The following MKNK1 variants were observed in gnomAD, a reference collection of about 807,000 sequenced individuals.
The protein encoded by MKNK1 is MAP kinase-interacting serine/threonine-protein kinase 1.
MKNK1 carries 30 observed loss-of-function variants against 49.3 expected under a neutral mutation model. That is an observed-to-expected ratio of 0.61 (90% CI 0.46 to 0.83). MKNK1 has a LOEUF of 0.83. MKNK1 is among the 40% of genes least tolerant of loss of function. The pLI is 0.00. For missense variants in MKNK1, 423 were observed against 524.7 expected, an observed-to-expected ratio of 0.81 and a Z score of 1.89; for synonymous variants, 176 against 201.7, an observed-to-expected ratio of 0.87 and a Z score of 1.08.
At chr1:46,566,153 A>G (rs970894050) in intron 8 of MKNK1, among the ~76,000 whole-genome samples, 3 of 152,210 alleles carry the variant, frequency 2.0e-5, no homozygotes, top group African/African-American at 7.2e-5. Context: ...TTCTTCCCCT[A>G]GCCCTGGGTA....
intron 8 of MKNK1, 100 bp downstream of exon 8, chr1:46,568,343 G>A: frequency 1.9e-6 from 2 of 1,052,540 alleles, no homozygotes; most frequent in Admixed American, 1.8e-5. Flanking sequence ...GTTCAAGTTG[G>A]TGTCTGAGGC....
intron 2 of MKNK1, among the ~76,000 whole-genome samples, chr1:46,587,137 T>C (rs955167290): frequency 6.6e-6 from 1 of 152,218 alleles, no homozygotes; most frequent in African/African-American, 2.4e-5. Context: ...AACAGAAGCC[T>C]GGTTCTTGCT....
At chr1:46,566,364 G>A (rs1318615711) in intron 8 of MKNK1, among the ~76,000 whole-genome samples, 1 of 152,204 alleles carries the variant, frequency 6.6e-6, no homozygotes, top group African/African-American at 2.4e-5. Flanking sequence ...GTATTCCATT[G>A]AATGTATGTA....
intron 2 of MKNK1, 122 bp downstream of exon 2, chr1:46,593,991 C>G: frequency 2.8e-6 from 2 of 712,830 alleles, no homozygotes; most frequent in Non-Finnish European, 5.0e-6. Flanking sequence ...CTCCGCTATT[C>G]CTAGCTAACT....
intron 12 of MKNK1, among the ~76,000 whole-genome samples, chr1:46,559,081 A>AT (rs1667468315): frequency 6.6e-6 from 1 of 152,134 alleles, no homozygotes; most frequent in Non-Finnish European, 1.5e-5. Context: ...ACAACTCTAC[A>AT]TACAGGTCTA....
chr1:46,590,059 A>G (rs1673127672), intron 2 of MKNK1, among the ~76,000 whole-genome samples: 1 of 152,198 alleles, frequency 6.6e-6, no homozygotes, highest in Non-Finnish European at 1.5e-5. Context: ...GATTTCCCTC[A>G]GCCACAAGAG....
chr1:46,590,435 A>G (rs763162025), intron 2 of MKNK1, among the ~76,000 whole-genome samples: 2 of 152,242 alleles, frequency 1.3e-5, no homozygotes, highest in Non-Finnish European at 2.9e-5. Flanking sequence ...TACCAACGCT[A>G]CACTTTACAT....
At chr1:46,568,705 G>A (rs941318321) in intron 7 of MKNK1, 1 of 574,310 alleles carries the variant, frequency 1.7e-6, no homozygotes, top group African/African-American at 1.9e-5. Context: ...TTGAAGAGGA[G>A]GCTTTAGAAG....
rs1669770699 is a variant in MKNK1, at chr1:46,569,807, T to A, written c.458-1309A>T. ...ACTAAAAGTGGAAGATATTTTCCAT[T>A]ACAGCAAGTGCTCCCACAGAAGGAT... On this transcript the variant is annotated intron_variant, in intron 7 of 12. Coordinates refer to ENST00000371945, the MANE Select transcript of MKNK1 (RefSeq NM_001135553.4). 2 of 152,216 alleles carry A rather than the reference T, an allele frequency of 1.3e-5. 1 individual carries two copies. Among genetic ancestry groups the A allele is most frequent in the South Asian group, 4.1e-4 (2 of 4,836 alleles). 9.4% of individuals were successfully genotyped at this position (152,216 alleles called of 1,614,324 possible). A position where few individuals can be genotyped will look rare whatever the true frequency, so the allele number is the denominator to read the frequency against.
intron 1 of MKNK1, among the ~76,000 whole-genome samples, chr1:46,603,646 A>G (rs940669773): frequency 2.0e-4 from 30 of 152,194 alleles, no homozygotes; most frequent in African/African-American, 7.2e-4. Context: ...AGCACTTCTA[A>G]CAACACTTCA....
intron 1 of MKNK1, among the ~76,000 whole-genome samples, chr1:46,601,819 T>C (rs1450684910): frequency 2.0e-5 from 3 of 152,214 alleles, no homozygotes. Context: ...GCTGGCCCTA[T>C]GCTGGACAGA....
Position 46,567,697 on chromosome 1 carries a change from C to T in MKNK1, c.513+746G>A, listed in dbSNP as rs144068124. Among the ~76,000 whole-genome samples the T allele has an allele frequency of 9.8e-5, 15 of 152,322 alleles. No homozygotes were observed. The East Asian group carries it at 2.7e-3, about 27-fold the overall frequency. On this transcript the variant is annotated intron_variant, in intron 8 of 12. Transcript: ENST00000371945. The stretch of plus-strand genomic sequence containing the variant: ...CACAATATATATGCTCTTGAATACA[C>T]ACATGTATATACACGCAGAGCTGTG...
rs746743468 is a variant in MKNK1, at chr1:46,562,811, T to G, written c.642A>C (p.Val214=). Residue 214 remains valine (V), a synonymous_variant, in exon 10 of 13, where the codon GTA becomes GTC. Coordinates refer to ENST00000371945, the MANE Select transcript of MKNK1 (RefSeq NM_001135553.4). ...TGGCCTGGTCCGTGAAGACCTCCAC[T>G]ACCTCAGGGGCCATGTATTCTGCAG... ...CGSAEYMAPE[V]VEVFTDQATF... 1 of 1,612,710 alleles carries G rather than the reference T, an allele frequency of 6.2e-7. No individual in the cohort carries two copies. The highest frequency in any genetic ancestry group is 1.3e-5 in the African/African-American group (1 of 74,860).
At position 46,558,504 on chromosome 1, in the gene MKNK1, T is replaced by G; in HGVS notation, c.*71A>C. The G allele has an allele frequency of 6.9e-7, 1 of 1,445,968 alleles. No individual in the cohort carries two copies. The highest frequency in any genetic ancestry group is 9.3e-7 in the Non-Finnish European group (1 of 1,077,846). The allele number at this position is 1,445,968 out of a possible 1,614,324, so 89.6% of individuals were successfully genotyped here. On this transcript the variant is annotated 3_prime_UTR_variant, in exon 13 of 13. Transcript: ENST00000371945. ...AGAGGCTGCTGCCTGCTCAGCAGAC[T>G]TTAGCCACACAGGTTTCCAGGGGAC...
At chr1:46,590,546 C>T (rs146851063) in intron 2 of MKNK1, among the ~76,000 whole-genome samples, 225 of 152,178 alleles carry the variant, frequency 1.5e-3, no homozygotes, top group African/African-American at 5.1e-3. Flanking sequence ...TGCTCAAGGT[C>T]GCATAGCTTG....
chr1:46,565,441 A>G (rs1271158565), intron 8 of MKNK1: 11 of 390,624 alleles, frequency 2.8e-5, no homozygotes, highest in Non-Finnish European at 4.4e-5. Context: ...TACAGGTTGC[A>G]GCACAGCAGC....
In MKNK1 at chr1:46,587,647, G is replaced by A. The variant is rs761055697; in HGVS notation, c.-2-4318C>T. 5.9e-5 allele frequency among the ~76,000 whole-genome samples: 9 copies of A among 152,036 alleles called. No homozygotes were observed. In the South Asian group the frequency reaches 6.2e-4, roughly 11 times the overall value. On this transcript the variant is annotated intron_variant, in intron 2 of 12. Transcript: ENST00000371945. Reference sequence around the variant, plus strand: ...AGCCTGACCAACATGGAGAAACCTCGTCTCTACTAAAAGTACAAAATTAGC... The same window carrying A: ...AGCCTGACCAACATGGAGAAACCTCATCTCTACTAAAAGTACAAAATTAGC...
At chr1:46,577,111 C>A (rs920062552) in intron 4 of MKNK1, among the ~76,000 whole-genome samples, 2 of 152,206 alleles carry the variant, frequency 1.3e-5, no homozygotes, top group Non-Finnish European at 2.9e-5. Flanking sequence ...TCAGAGGCTG[C>A]CTCCACGATC....
rs1014495325 is a variant in MKNK1, at chr1:46,563,085, C to T, written c.610-242G>A. 4.2e-5 allele frequency: 19 copies of T among 452,590 alleles called. 1 individual carries two copies. The South Asian group carries it at 7.5e-4, about 18-fold the overall frequency. 28.0% of individuals were successfully genotyped at this position (452,590 alleles called of 1,614,324 possible). On this transcript the variant is annotated intron_variant, in intron 9 of 12. Coordinates refer to ENST00000371945, the MANE Select transcript of MKNK1 (RefSeq NM_001135553.4). ...AGGTCACCTTATCCTTCCAGTTCCT[C>T]CTCCAGTAGGCAAAGACCCTTGGCC...
Sources: allele counts gnomAD v4.1 joint callset (sites outside exome capture counted in the v4.1 genomes callset), GRCh38; gene constraint gnomAD v4.1.1; transcripts MANE v1.5; gene names NCBI Gene and HGNC (gene_info 2026-07-23, HGNC 2026-07-21).